Variants in NAV2 observed in about 807,000 individuals in gnomAD.
NAV2 encodes the protein helicase, APC down-regulated 1.
Under a neutral mutation model 223.2 loss-of-function variants are expected in NAV2, and 54 were observed. The observed-to-expected ratio is 0.24, with a 90% CI of 0.19 to 0.30. The LOEUF (loss-of-function observed/expected upper bound fraction) is 0.30. Ranked by LOEUF, NAV2 falls within the 10% of genes least tolerant of loss-of-function variation. The pLI is 1.00. For missense variants in NAV2, 2,806 were observed against 3,147.5 expected (o/e 0.89, Z 2.60); for synonymous variants, 1,279 against 1,239.3 (o/e 1.03, Z -0.67).
intron 1 of NAV2, among the ~76,000 whole-genome samples, chr11:19,732,975 A>G (rs1020059614): frequency 6.6e-6 from 1 of 152,208 alleles, no homozygotes; most frequent in Non-Finnish European, 1.5e-5. Context: ...GTTGGCATGG[A>G]TGCTAGTTTT....
At chr11:19,889,947 A>G (rs138710992) in intron 5 of NAV2, among the ~76,000 whole-genome samples, 291 of 152,300 alleles carry the variant, frequency 1.9e-3, no homozygotes, top group African/African-American at 6.3e-3. Context: ...CTGATACTTT[A>G]ACCTAGACTC....
intron 1 of NAV2, among the ~76,000 whole-genome samples, chr11:19,363,923 G>A (rs1385859680): frequency 6.6e-6 from 1 of 152,214 alleles, no homozygotes; most frequent in Non-Finnish European, 1.5e-5. Flanking sequence ...GAGCTTCCAG[G>A]CCTCTCTAGG....
chr11:19,476,402 A>T (rs2042116638), intron 1 of NAV2, among the ~76,000 whole-genome samples: 1 of 151,832 alleles, frequency 6.6e-6, no homozygotes. Flanking sequence ...AGCCTGCCTT[A>T]CTCCTATGGG....
intron 22 of NAV2, among the ~76,000 whole-genome samples, chr11:20,069,745 A>G (rs1222413317): frequency 6.6e-6 from 1 of 152,212 alleles, no homozygotes; most frequent in Non-Finnish European, 1.5e-5. Flanking sequence ...GCATGTCGTT[A>G]AAATGGAAAC....
intron 6 of NAV2, among the ~76,000 whole-genome samples, chr11:19,921,529 G>A (rs1377625784): frequency 2.6e-5 from 4 of 152,178 alleles, no homozygotes; most frequent in African/African-American, 9.7e-5. Flanking sequence ...AGGAGTTAAA[G>A]GTCAACAAAC....
At chr11:19,477,724 A>G (rs1484002165) in intron 1 of NAV2, among the ~76,000 whole-genome samples, 1 of 152,174 alleles carries the variant, frequency 6.6e-6, no homozygotes, top group Non-Finnish European at 1.5e-5. Flanking sequence ...TCATGTACAT[A>G]ATCTCATTTT....
At chr11:19,741,009 T>G (rs1169044576) in intron 1 of NAV2, among the ~76,000 whole-genome samples, 1 of 152,200 alleles carries the variant, frequency 6.6e-6, no homozygotes, top group Non-Finnish European at 1.5e-5. Flanking sequence ...GATGTGAGAT[T>G]GTAGCAAGAG....
intron 1 of NAV2, among the ~76,000 whole-genome samples, chr11:19,800,360 G>A (rs1389686618): frequency 6.6e-6 from 1 of 152,176 alleles, no homozygotes; most frequent in Non-Finnish European, 1.5e-5. Flanking sequence ...AGGAGGCCAG[G>A]CAAGGCTGCC....
chr11:19,797,597 C>A (rs1011138779), intron 1 of NAV2, among the ~76,000 whole-genome samples: 1 of 152,144 alleles, frequency 6.6e-6, no homozygotes. Flanking sequence ...CTGGTCATGA[C>A]AGTGAGTGGG....
intron 10 of NAV2, among the ~76,000 whole-genome samples, chr11:19,976,787 C>A (rs892537774): frequency 1.3e-5 from 2 of 152,176 alleles, no homozygotes; most frequent in East Asian, 1.9e-4. Flanking sequence ...TGTGTGTTCT[C>A]CTGGGGGATG....
At chr11:19,607,458 G>T (rs1041928539) in intron 1 of NAV2, among the ~76,000 whole-genome samples, 60 of 152,196 alleles carry the variant, frequency 3.9e-4, no homozygotes, top group African/African-American at 1.4e-3. Flanking sequence ...TAGGATAGCT[G>T]TCATCTGAGG....
At position 20,105,697 on chromosome 11, in the gene NAV2, G is replaced by A. The variant is rs1392307996; in HGVS notation, c.6811G>A (p.Glu2271Lys). The A allele has an allele frequency of 1.9e-6, 3 of 1,613,072 alleles. No homozygotes were observed. The highest frequency in any genetic ancestry group is 1.7e-6 in the Non-Finnish European group (2 of 1,179,972). The change falls in exon 35 of 38, where the codon GAG becomes AAG. Residue 2271 changes from glutamate (E) to lysine (K), a missense_variant. Transcript: ENST00000349880. ...CTGGCATCACCTCAACCGCTTCCTG[G>A]AGGCTCACAGTTCCTCGGACGTCAC... ...KVWHHLNRFL[E>K]AHSSSDVTIG...
At chr11:19,613,330 G>GA (rs367939010) in intron 1 of NAV2, among the ~76,000 whole-genome samples, 68 of 150,620 alleles carry the variant, frequency 4.5e-4, no homozygotes, top group African/African-American at 1.3e-3. Flanking sequence ...AGGCGTTAGG[G>GA]AAAAAAAAAT....
intron 10 of NAV2, among the ~76,000 whole-genome samples, chr11:19,956,800 A>G (rs527820043): frequency 1.3e-5 from 2 of 152,116 alleles, no homozygotes; most frequent in African/African-American, 4.8e-5. Context: ...GCCATCAGCA[A>G]TTAAGTCCAT....
intron 6 of NAV2, among the ~76,000 whole-genome samples, chr11:19,894,574 C>G (rs2041796779): frequency 6.6e-6 from 1 of 152,226 alleles, no homozygotes; most frequent in African/African-American, 2.4e-5. Context: ...AATGCTAGGA[C>G]AGTGACTGAC....
intron 11 of NAV2, chr11:20,023,189 C>T: frequency 6.7e-7 from 1 of 1,481,822 alleles, no homozygotes; most frequent in South Asian, 1.2e-5. Context: ...GCATGTACTG[C>T]CTTGTCTTCC....
At chr11:19,666,388 A>G (rs537410619) in intron 1 of NAV2, among the ~76,000 whole-genome samples, 23 of 152,328 alleles carry the variant, frequency 1.5e-4, no homozygotes, top group African/African-American at 5.1e-4. Flanking sequence ...CTGTCATCAC[A>G]GTCCCTACCC....
In NAV2 at chr11:19,679,430, C is replaced by CAAAAAAAA. The variant is rs56384242; in HGVS notation, c.76-153047_76-153046insAAAAAAAA. ...TGGGCAACAGAACGAGACTCTGTCT[C>CAAAAAAAA]AAAAAAACACAAAAAGATTTGGGGG... On this transcript the variant is annotated intron_variant, in intron 1 of 37. Coordinates refer to the NAV2 transcript ENST00000360655. Among the ~76,000 whole-genome samples, 86 of 113,994 alleles carry CAAAAAAAA rather than the reference C, an allele frequency of 7.5e-4. 13 individuals carry two copies. Among genetic ancestry groups the CAAAAAAAA allele is most frequent in the East Asian group, 2.3e-3 (8 of 3,416 alleles). The allele number at this position is 113,994 out of a possible 152,430, so 74.8% of individuals were successfully genotyped here. A position where few individuals can be genotyped will look rare whatever the true frequency, so the allele number is the denominator to read the frequency against.
At chr11:19,366,200 G>C (rs532147378) in intron 1 of NAV2, among the ~76,000 whole-genome samples, 75 of 152,320 alleles carry the variant, frequency 4.9e-4, no homozygotes, top group African/African-American at 1.7e-3. Context: ...GTCATTAGGG[G>C]TCAGGTTACC....
Sources: gnomAD v4.1 joint callset for allele counts (sites outside exome capture counted in the v4.1 genomes callset) on GRCh38, gnomAD v4.1.1 for gene constraint, MANE v1.5 for transcripts, NCBI Gene and HGNC (gene_info 2026-07-23, HGNC 2026-07-21) for gene names.